The following CDK14 variants were observed in gnomAD, a reference collection of about 807,000 sequenced individuals.
The protein encoded by CDK14 is cyclin dependent kinase 14.
CDK14 carries 34 observed loss-of-function variants against 60.7 expected under a neutral mutation model. The observed-to-expected ratio is 0.56, with a 90% CI of 0.43 to 0.75. CDK14 has a LOEUF of 0.75. CDK14 is among the 30% of genes least tolerant of loss of function. The pLI is 0.00. For synonymous variants in CDK14, 197 were observed against 203.7 expected (o/e 0.97, Z 0.28); for missense variants, 482 against 564.1 (o/e 0.85, Z 1.47).
chr7:91,144,834 T>TA (rs1212495143), intron 14 of CDK14, among the ~76,000 whole-genome samples: 1 of 152,044 alleles, frequency 6.6e-6, no homozygotes, highest in African/African-American at 2.4e-5. Context: ...GAGAGATGAT[T>TA]AAAAAGAAAA....
chr7:90,945,227 T>C (rs1161526807), intron 8 of CDK14, among the ~76,000 whole-genome samples: 3 of 152,210 alleles, frequency 2.0e-5, no homozygotes, highest in African/African-American at 7.2e-5. Context: ...TTTATGGTAA[T>C]AGCCAGTATG....
chr7:91,107,051 A>T (rs16868109), intron 12 of CDK14, among the ~76,000 whole-genome samples: 8,790 of 152,282 alleles, frequency 0.058, 347 homozygotes, highest in Middle Eastern at 0.13. Flanking sequence ...TTTGACCTAG[A>T]TGGGTAAACC....
intron 14 of CDK14, among the ~76,000 whole-genome samples, chr7:91,138,857 T>C (rs1463306597): frequency 6.6e-6 from 1 of 152,102 alleles, no homozygotes; most frequent in East Asian, 1.9e-4. Context: ...TGGGCGTAAA[T>C]TGGAAACAGG....
intron 3 of CDK14, among the ~76,000 whole-genome samples, chr7:90,742,021 TGTA>T (rs1464573405): frequency 1.3e-5 from 2 of 152,108 alleles, no homozygotes; most frequent in Non-Finnish European, 2.9e-5. Flanking sequence ...ATATTATTCT[TGTA>T]GTACATTTGC....
Position 91,112,599 on chromosome 7 carries a change from A to G in CDK14, c.1212A>G (p.Pro404=). The change falls in exon 13 of 15, where the codon CCA becomes CCG. Residue 404 remains proline (P), a synonymous_variant. Coordinates refer to ENST00000380050, the MANE Select transcript of CDK14 (RefSeq NM_001287135.2). ...DLASKLLQCS[P]KNRLSAQAAL... is the part of the protein sequence containing the mutation. ...CCTCCAAGCTCCTACAATGTTCCCC[A>G]AAGAACAGACTGTCGGCACAGGCTG... is the stretch of plus-strand genomic sequence containing the variant. The G allele has an allele frequency of 6.2e-7, 1 of 1,613,866 alleles. No homozygotes were observed. Among genetic ancestry groups the G allele is most frequent in the East Asian group, 2.2e-5 (1 of 44,856 alleles).
chr7:90,642,942 A>G (rs1215003627), intron 2 of CDK14, among the ~76,000 whole-genome samples: 1 of 152,214 alleles, frequency 6.6e-6, no homozygotes, highest in Admixed American at 6.5e-5. Flanking sequence ...CAAAACTTGT[A>G]CCAGATACTG....
At chr7:90,747,852 ATAAT>A (rs1803656520) in intron 4 of CDK14, 77 bp downstream of exon 4, 1 of 581,922 alleles carries the variant, frequency 1.7e-6, no homozygotes, top group Non-Finnish European at 2.7e-6. Flanking sequence ...TTTTATTTAA[ATAAT>A]TATTATTTAA....
chr7:91,131,699 T>C (rs1323142199), intron 14 of CDK14, among the ~76,000 whole-genome samples: 1 of 152,144 alleles, frequency 6.6e-6, no homozygotes, highest in South Asian at 2.1e-4. Flanking sequence ...TGACAGCGTG[T>C]GGAATATATT....
At chr7:90,804,606 G>A (rs1788755552) in intron 5 of CDK14, among the ~76,000 whole-genome samples, 1 of 152,092 alleles carries the variant, frequency 6.6e-6, no homozygotes, top group African/African-American at 2.4e-5. Context: ...ATGGGTGTCT[G>A]CCAACTGATA....
intron 1 of CDK14, among the ~76,000 whole-genome samples, chr7:90,600,891 C>T (rs1161909904): frequency 2.6e-5 from 4 of 152,148 alleles, no homozygotes; most frequent in Non-Finnish European, 4.4e-5. Context: ...TTATTTAGTA[C>T]CTCTTCCCCA....
rs1563058890 is a variant in CDK14 at position 90,726,813 on chromosome 7, G to GT, written c.369+2dup. The stretch of plus-strand genomic sequence containing the variant: ...TAGGCGGCACTCCAGCCCCAGCTCG[G>GT]TAAGTGCAGTCTTTTTGTTTATCAC... On this transcript the variant is annotated splice_donor_variant, in intron 3 of 14. Coordinates refer to ENST00000380050, the MANE Select transcript of CDK14 (RefSeq NM_001287135.2). LOFTEE classifies it high-confidence loss of function. 1 of 1,613,252 alleles carries GT rather than the reference G, an allele frequency of 6.2e-7. No homozygotes were observed. Among genetic ancestry groups the GT allele is most frequent in the Non-Finnish European group, 8.5e-7 (1 of 1,179,658 alleles).
chr7:91,160,822 A>G (rs1196806811), intron 14 of CDK14, among the ~76,000 whole-genome samples: 1 of 152,214 alleles, frequency 6.6e-6, no homozygotes, highest in Non-Finnish European at 1.5e-5. Flanking sequence ...ACAAAATAAT[A>G]CAATTACTCT....
intron 14 of CDK14, among the ~76,000 whole-genome samples, chr7:91,196,228 C>A (rs1323821955): frequency 2.6e-5 from 4 of 152,178 alleles, no homozygotes; most frequent in African/African-American, 4.8e-5. Context: ...CCTGATTGGT[C>A]ACGTTTGTCT....
chr7:91,047,604 A>T (rs1797275731), intron 11 of CDK14, among the ~76,000 whole-genome samples: 1 of 152,216 alleles, frequency 6.6e-6, no homozygotes, highest in African/African-American at 2.4e-5. Context: ...TAGAATATTT[A>T]TGTTTAAGTT....
intron 14 of CDK14, among the ~76,000 whole-genome samples, chr7:91,181,626 TAGAAAAGACA>T (rs1460179594): frequency 6.6e-6 from 1 of 152,214 alleles, no homozygotes; most frequent in Non-Finnish European, 1.5e-5. Flanking sequence ...ATCTTTTTTA[TAGAAAAGACA>T]AGATGAAGGC....
intron 3 of CDK14, among the ~76,000 whole-genome samples, chr7:90,742,421 A>T (rs777370032): frequency 4.6e-5 from 7 of 151,952 alleles, no homozygotes; most frequent in African/African-American, 9.7e-5. Context: ...TCTTAAACTG[A>T]GTTATGTTCT....
intron 9 of CDK14, among the ~76,000 whole-genome samples, chr7:90,972,051 C>T (rs1794948036): frequency 6.6e-6 from 1 of 152,150 alleles, no homozygotes; most frequent in African/African-American, 2.4e-5. Context: ...TTTGTAAGTA[C>T]AACTTCTTAG....
chr7:90,862,706 A>C (rs373245117), intron 5 of CDK14, among the ~76,000 whole-genome samples: 2 of 152,158 alleles, frequency 1.3e-5, no homozygotes, highest in African/African-American at 4.8e-5. Flanking sequence ...CATCAGCAGA[A>C]TTCAGGTTCC....
chr7:91,087,053 C>T (rs185106797), intron 12 of CDK14, among the ~76,000 whole-genome samples: 60 of 152,280 alleles, frequency 3.9e-4, no homozygotes, highest in African/African-American at 1.4e-3. Flanking sequence ...TCCCAAGTAG[C>T]TGGGACTATA....
Sources: allele counts gnomAD v4.1 joint callset (sites outside exome capture counted in the v4.1 genomes callset), GRCh38; gene constraint gnomAD v4.1.1; transcripts MANE v1.5; gene names NCBI Gene and HGNC (gene_info 2026-07-23, HGNC 2026-07-21).